Variants in ANKRD29 observed in about 807,000 individuals in gnomAD.
The protein encoded by ANKRD29 is ankyrin repeat domain 29, also known as ankyrin repeat domain-containing protein 29.
In ANKRD29, 32 loss-of-function variants were observed where a neutral mutation model predicts 38.0. That is an observed-to-expected ratio of 0.84 (90% CI 0.64 to 1.13). The LOEUF (loss-of-function observed/expected upper bound fraction) is 1.13. ANKRD29 is among the 50% of genes most tolerant of loss of function. The probability of loss-of-function intolerance (pLI) is 0.00; values close to 1 mark genes in which losing one functional copy is unlikely to be tolerated. For synonymous variants in ANKRD29, 135 were observed against 152.4 expected, an observed-to-expected ratio of 0.89 and a Z score of 0.84; for missense variants, 357 against 377.9, an observed-to-expected ratio of 0.94 and a Z score of 0.46.
At chr18:23,649,274 C>A in intron 1 of ANKRD29, 81 bp from the exon 2 acceptor site, 1 of 1,019,028 alleles carries the variant, frequency 9.8e-7, no homozygotes, top group South Asian at 1.5e-5. Context: ...TAATAACATT[C>A]AGAAAGAAGA....
At chr18:23,660,613 C>G (rs1277490387) in intron 1 of ANKRD29, among the ~76,000 whole-genome samples, 1 of 152,184 alleles carries the variant, frequency 6.6e-6, no homozygotes, top group Non-Finnish European at 1.5e-5. Flanking sequence ...CGAGACCAGG[C>G]TGGCCAACAT....
intron 1 of ANKRD29, among the ~76,000 whole-genome samples, chr18:23,658,653 G>C (rs1321896545): frequency 6.6e-6 from 1 of 152,166 alleles, no homozygotes; most frequent in Non-Finnish European, 1.5e-5. Context: ...CTGAATGTTT[G>C]CATCCCCCCA....
intron 9 of ANKRD29, among the ~76,000 whole-genome samples, chr18:23,602,339 A>T (rs1223546223): frequency 6.6e-6 from 1 of 152,082 alleles, no homozygotes; most frequent in East Asian, 1.9e-4. Flanking sequence ...CCCGGGCCAG[A>T]TATCTTTTGA....
chr18:23,648,388 C>T (rs1288109322), intron 2 of ANKRD29: 1 of 152,490 alleles, frequency 6.6e-6, no homozygotes, highest in African/African-American at 2.4e-5. Context: ...AAATGGCACA[C>T]CCTGTTTTCA....
At chr18:23,601,882 T>G (rs527937462) in intron 9 of ANKRD29, among the ~76,000 whole-genome samples, 1 of 151,998 alleles carries the variant, frequency 6.6e-6, no homozygotes, top group African/African-American at 2.4e-5. Context: ...GGTCTTGAAC[T>G]CCTCGGTTTA....
intron 1 of ANKRD29, among the ~76,000 whole-genome samples, chr18:23,661,410 A>G (rs1568061157): frequency 6.6e-6 from 1 of 152,238 alleles, no homozygotes; most frequent in African/African-American, 2.4e-5. Context: ...TGCCGATTTA[A>G]AACTTTTAAA....
chr18:23,617,874 T>C (rs763658061), intron 7 of ANKRD29, 47 bp from the exon 8 acceptor site: 2 of 1,531,738 alleles, frequency 1.3e-6, no homozygotes, highest in Middle Eastern at 2.1e-4. Context: ...CATATATCTG[T>C]GTTGCTTGAA....
At chr18:23,654,560 A>G (rs1428523586) in intron 1 of ANKRD29, among the ~76,000 whole-genome samples, 2 of 146,700 alleles carry the variant, frequency 1.4e-5, no homozygotes, top group African/African-American at 5.0e-5. Flanking sequence ...TGGAGGTTGC[A>G]GTGAACCAAG....
intron 2 of ANKRD29, 115 bp from the exon 3 acceptor site, chr18:23,646,402 T>G: frequency 2.7e-6 from 2 of 741,894 alleles, no homozygotes; most frequent in Non-Finnish European, 2.2e-6. Flanking sequence ...AAGGGCAAAA[T>G]TCCCTGCAGT....
At chr18:23,604,031 G>A (rs2059546205) in intron 9 of ANKRD29, among the ~76,000 whole-genome samples, 1 of 151,998 alleles carries the variant, frequency 6.6e-6, no homozygotes, top group Non-Finnish European at 1.5e-5. Context: ...TAGTAGAGAT[G>A]AGGTTTCATC....
intron 1 of ANKRD29, among the ~76,000 whole-genome samples, chr18:23,654,324 A>AATC (rs1568053203): frequency 5.2e-4 from 73 of 140,482 alleles, no homozygotes; most frequent in African/African-American, 1.8e-3. Context: ...ATAAATAAAT[A>AATC]AATCCAAGTC....
intron 8 of ANKRD29, among the ~76,000 whole-genome samples, chr18:23,617,076 T>C (rs900929301): frequency 6.6e-6 from 1 of 151,796 alleles, no homozygotes; most frequent in Non-Finnish European, 1.5e-5. Context: ...AAAAGCTGGG[T>C]GTGGTGGCAG....
intron 8 of ANKRD29, among the ~76,000 whole-genome samples, chr18:23,615,937 G>A (rs1029458256): frequency 7.5e-6 from 1 of 133,944 alleles, no homozygotes; most frequent in Non-Finnish European, 1.6e-5. Flanking sequence ...ATATTATATA[G>A]TATATAATAT....
At chr18:23,638,798 A>G in intron 4 of ANKRD29, 51 bp downstream of exon 4, 1 of 1,442,934 alleles carries the variant, frequency 6.9e-7, no homozygotes, top group Non-Finnish European at 9.6e-7. Context: ...AGCAATACCC[A>G]TGGCTGCTGA....
chr18:23,624,731 C>T (rs2059841274), intron 6 of ANKRD29, among the ~76,000 whole-genome samples: 1 of 152,050 alleles, frequency 6.6e-6, no homozygotes, highest in South Asian at 2.1e-4. Context: ...GTGAGTTCTC[C>T]ATGCCTAGAG....
intron 6 of ANKRD29, among the ~76,000 whole-genome samples, chr18:23,623,794 C>G (rs563375463): frequency 1.3e-5 from 2 of 152,070 alleles, no homozygotes; most frequent in South Asian, 2.1e-4. Flanking sequence ...AGGTGCCCAC[C>G]ACCACGCCCG....
At position 23,634,126 on chromosome 18, in the gene ANKRD29, A is replaced by G; in HGVS notation, c.354T>C (p.Ala118=). Residue 118 remains alanine, a synonymous_variant, in exon 5 of 10, where the codon GCT becomes GCC. Coordinates refer to ENST00000592179, the MANE Select transcript of ANKRD29 (RefSeq NM_173505.4). ...RTKDGGTALL[A]ASQYGHMQVV... ...CCTGCATGTGCCCGTACTGACTGGC[A>G]GCCAACAGGGCGGTGCCCCCGTCCT... The G allele has an allele frequency of 6.2e-7, 1 of 1,614,194 alleles. No individual in the cohort carries two copies. Among genetic ancestry groups the G allele is most frequent in the Non-Finnish European group, 8.5e-7 (1 of 1,180,028 alleles).
At chr18:23,650,954 T>C (rs1042713540) in intron 1 of ANKRD29, among the ~76,000 whole-genome samples, 2 of 152,342 alleles carry the variant, frequency 1.3e-5, no homozygotes, top group Non-Finnish European at 2.9e-5. Context: ...GTTTAAAACA[T>C]CTACGCGACT....
Position 23,599,558 on chromosome 18 carries a change from G to A in ANKRD29, c.*1668C>T, listed in dbSNP as rs991242175. 5.3e-5 allele frequency: 8 copies of A among 152,070 alleles called. No homozygotes were observed. Among genetic ancestry groups the A allele is most frequent in the Admixed American group, 2.6e-4 (4 of 15,244 alleles). The allele number at this position is 152,070 out of a possible 1,614,324, so 9.4% of individuals were successfully genotyped here. On this transcript the variant is annotated 3_prime_UTR_variant, in exon 10 of 10. Coordinates refer to ENST00000592179, the MANE Select transcript of ANKRD29 (RefSeq NM_173505.4). The stretch of plus-strand genomic sequence containing the variant: ...AAATGAATATAGCTTTTTGAAATTC[G>A]CACAGGAGAAAATGTATATTTGTAC...
Sources: gnomAD v4.1 joint callset for allele counts (sites outside exome capture counted in the v4.1 genomes callset) on GRCh38, gnomAD v4.1.1 for gene constraint, MANE v1.5 for transcripts, NCBI Gene and HGNC (gene_info 2026-07-23, HGNC 2026-07-21) for gene names.